NAALADL2: variants seen among roughly 807,000 people sequenced by gnomAD.
NAALADL2 encodes inactive N-acetylated-alpha-linked acidic dipeptidase-like protein 2.
Under a neutral mutation model 87.2 loss-of-function variants are expected in NAALADL2, and 76 were observed. That is an observed-to-expected ratio of 0.87 (90% confidence interval 0.72 to 1.05). The LOEUF is 1.05. Among genes scored for constraint, NAALADL2 ranks in the 50% least tolerant of loss-of-function variants. NAALADL2 has a pLI of 0.00. For synonymous variants in NAALADL2, 354 were observed against 331.0 expected (o/e 1.07, Z -0.75); for missense variants, 1,089 against 945.8 (o/e 1.15, Z -1.99).
intron 3 of NAALADL2, among the ~76,000 whole-genome samples, chr3:174,843,495 A>G (rs74827024): frequency 0.011 from 1,632 of 152,272 alleles, 29 homozygotes; most frequent in East Asian, 0.092. Context: ...GAGCTGCAAT[A>G]AACATGGGAG....
rs71164650 is a variant in NAALADL2, at chr3:175,737,714, G to GTTTTTTTTTTTTTTTT, written c.1990+330_1990+345dup. On this transcript the variant is annotated intron_variant, in intron 12 of 13. Coordinates refer to ENST00000454872, the MANE Select transcript of NAALADL2 (RefSeq NM_207015.3). ...TAGAATAATACAGTTCAATGATCCA[G>GTTTTTTTTTTTTTTTT]TTTTTTTTTTTTTTTTTTTTTTTTT... is the stretch of plus-strand genomic sequence containing the variant. Among the ~76,000 whole-genome samples the GTTTTTTTTTTTTTTTT allele has an allele frequency of 3.1e-4, 17 of 54,760 alleles. 3 individuals carry two copies. The highest frequency in any genetic ancestry group is 1.3e-3 in the African/African-American group (16 of 12,160). 35.9% of individuals were successfully genotyped at this position (54,760 alleles called of 152,430 possible).
chr3:174,816,386 ATGTG>A (rs10567966), intron 3 of NAALADL2, among the ~76,000 whole-genome samples: 3 of 143,232 alleles, frequency 2.1e-5, no homozygotes, highest in African/African-American at 8.0e-5. Flanking sequence ...AGATATATAT[ATGTG>A]TGTGTGTGTG....
At position 175,363,826 on chromosome 3, in the gene NAALADL2, G is replaced by A. The variant is rs775491877; in HGVS notation, c.1090+39501G>A. Among the ~76,000 whole-genome samples the A allele has an allele frequency of 8.8e-5, 13 of 147,920 alleles. 1 individual carries two copies. Among genetic ancestry groups the A allele is most frequent in the Non-Finnish European group, 2.0e-4 (13 of 66,430 alleles). The stretch of plus-strand genomic sequence containing the variant: ...ACTTTAACTCAAGACATTCTTCTGG[G>A]TTTTGTAATCTCTCAAATATATTCA... On this transcript the variant is annotated intron_variant, in intron 5 of 13. Coordinates refer to ENST00000454872, the MANE Select transcript of NAALADL2 (RefSeq NM_207015.3).
intron 1 of NAALADL2, among the ~76,000 whole-genome samples, chr3:174,885,669 A>C (rs1182164602): frequency 6.6e-6 from 1 of 152,042 alleles, no homozygotes; most frequent in Non-Finnish European, 1.5e-5. Context: ...AAACTTACAA[A>C]AGAACTCCAT....
intron 10 of NAALADL2, among the ~76,000 whole-genome samples, chr3:175,624,390 A>T (rs1306871051): frequency 6.6e-6 from 1 of 152,024 alleles, no homozygotes; most frequent in Non-Finnish European, 1.5e-5. Context: ...CTAATCACTT[A>T]TTTTACTGCA....
intron 3 of NAALADL2, among the ~76,000 whole-genome samples, chr3:175,254,132 G>A (rs1019190239): frequency 6.6e-6 from 1 of 152,096 alleles, no homozygotes; most frequent in African/African-American, 2.4e-5. Context: ...CAAACAGCAT[G>A]TCATGAGAGA....
intron 2 of NAALADL2, among the ~76,000 whole-genome samples, chr3:174,583,123 C>CTTGT (rs1417739426): frequency 2.0e-5 from 3 of 152,122 alleles, no homozygotes; most frequent in Non-Finnish European, 4.4e-5. Flanking sequence ...AAATAGCAAC[C>CTTGT]AGCTGAGATA....
At chr3:175,681,551 G>A (rs762265546) in intron 11 of NAALADL2, among the ~76,000 whole-genome samples, 9 of 152,120 alleles carry the variant, frequency 5.9e-5, no homozygotes, top group South Asian at 2.1e-4. Flanking sequence ...AAAATCATAC[G>A]CATGTATTAA....
At chr3:175,075,615 T>C (rs1307078524) in intron 1 of NAALADL2, among the ~76,000 whole-genome samples, 1 of 152,128 alleles carries the variant, frequency 6.6e-6, no homozygotes, top group Non-Finnish European at 1.5e-5. Flanking sequence ...TTTCCTGAAC[T>C]TACCAAAAGA....
At chr3:174,632,976 G>A (rs568770709) in intron 2 of NAALADL2, among the ~76,000 whole-genome samples, 14 of 148,356 alleles carry the variant, frequency 9.4e-5, no homozygotes, top group Non-Finnish European at 1.8e-4. Context: ...GAAAATCAGC[G>A]CAATTGCTGG....
At chr3:174,712,973 GC>G (rs2108922468) in intron 2 of NAALADL2, among the ~76,000 whole-genome samples, 1 of 151,768 alleles carries the variant, frequency 6.6e-6, no homozygotes, top group Admixed American at 6.6e-5. Context: ...CCCACAACAG[GC>G]CCCAGTGTGT....
intron 5 of NAALADL2, among the ~76,000 whole-genome samples, chr3:175,390,102 A>T (rs1330875855): frequency 6.6e-6 from 1 of 152,138 alleles, no homozygotes; most frequent in Non-Finnish European, 1.5e-5. Flanking sequence ...AGCCAAGGTA[A>T]TAAAAATTCA....
chr3:174,777,287 C>T (rs980616034), intron 3 of NAALADL2, among the ~76,000 whole-genome samples: 1 of 151,872 alleles, frequency 6.6e-6, no homozygotes, highest in Non-Finnish European at 1.5e-5. Context: ...AAAATCATAC[C>T]ACCTTTTGCC....
chr3:175,614,775 A>G (rs1235824739), intron 10 of NAALADL2, among the ~76,000 whole-genome samples: 1 of 152,234 alleles, frequency 6.6e-6, no homozygotes, highest in Non-Finnish European at 1.5e-5. Flanking sequence ...CAGTCCTGAC[A>G]CAAGATATGC....
chr3:174,888,258 C>A (rs1218501771), intron 1 of NAALADL2, among the ~76,000 whole-genome samples: 1 of 152,136 alleles, frequency 6.6e-6, no homozygotes, highest in Non-Finnish European at 1.5e-5. Flanking sequence ...AGTGGCCATA[C>A]AACAGAGGGT....
chr3:174,842,661 G>A (rs768248630), intron 3 of NAALADL2, among the ~76,000 whole-genome samples: 9 of 152,104 alleles, frequency 5.9e-5, no homozygotes, highest in Non-Finnish European at 1.3e-4. Context: ...TAATTACAAT[G>A]CTTTGTAGTT....
At chr3:174,932,131 A>C (rs1342412401) in intron 1 of NAALADL2, among the ~76,000 whole-genome samples, 2 of 152,192 alleles carry the variant, frequency 1.3e-5, no homozygotes, top group African/African-American at 2.4e-5. Context: ...TGATGGAGGC[A>C]TGTGGTGCGG....
chr3:175,469,209 A>C (rs1184796686), intron 8 of NAALADL2, among the ~76,000 whole-genome samples: 1 of 152,090 alleles, frequency 6.6e-6, no homozygotes, highest in Non-Finnish European at 1.5e-5. Context: ...TTTATAATTT[A>C]CTGTGTCTCA....
At chr3:174,524,151 A>G (rs1346477477) in intron 1 of NAALADL2, among the ~76,000 whole-genome samples, 5 of 152,148 alleles carry the variant, frequency 3.3e-5, no homozygotes, top group African/African-American at 1.2e-4. Flanking sequence ...ATTTTTACTG[A>G]AGTATAATTT....
Sources: allele counts gnomAD v4.1 joint callset (sites outside exome capture counted in the v4.1 genomes callset), GRCh38; gene constraint gnomAD v4.1.1; transcripts MANE v1.5; gene names NCBI Gene and HGNC (gene_info 2026-07-23, HGNC 2026-07-21).